The following ZNF536 variants were observed in gnomAD, a reference collection of about 807,000 sequenced individuals.
The protein encoded by ZNF536 is zinc finger protein 536.
ZNF536 carries 13 observed loss-of-function variants against 84.5 expected under a neutral mutation model. That is an observed-to-expected ratio of 0.15 (90% CI 0.10 to 0.24). The LOEUF (loss-of-function observed/expected upper bound fraction) is 0.24, where lower values mean the gene tolerates loss of function less well. Among genes scored for constraint, ZNF536 ranks in the 10% least tolerant of loss-of-function variants. The pLI is 1.00. For synonymous variants in ZNF536, 811 were observed against 742.5 expected, an observed-to-expected ratio of 1.09 and a Z score of -1.50; for missense variants, 1,536 against 1,747.5, an observed-to-expected ratio of 0.88 and a Z score of 2.16.
intron 3 of ZNF536, among the ~76,000 whole-genome samples, chr19:30,359,593 G>A (rs1467014803): frequency 2.0e-5 from 3 of 152,048 alleles, no homozygotes; most frequent in African/African-American, 7.2e-5. Flanking sequence ...CTGTCTCCCC[G>A]GCACCTGAGT....
chr19:30,535,058 G>T, intron 3 of ZNF536, 59 bp downstream of exon 3: 1 of 1,538,780 alleles, frequency 6.5e-7, no homozygotes, highest in Non-Finnish European at 8.8e-7. Context: ...TCCCCGTCCT[G>T]CCTGCTTTCT....
intron 1 of ZNF536, among the ~76,000 whole-genome samples, chr19:30,428,950 G>A (rs1307784639): frequency 6.6e-6 from 1 of 152,206 alleles, no homozygotes; most frequent in African/African-American, 2.4e-5. Context: ...GATAGAGAGA[G>A]GGGCTGAGTT....
chr19:30,601,230 T>C (rs530916202), intron 1 of ZNF536, among the ~76,000 whole-genome samples: 1 of 152,272 alleles, frequency 6.6e-6, no homozygotes, highest in South Asian at 2.1e-4. Context: ...ATGACCATAT[T>C]CTCCATTATC....
intron 2 of ZNF536, among the ~76,000 whole-genome samples, chr19:30,480,248 G>A (rs947982998): frequency 6.6e-6 from 1 of 152,104 alleles, no homozygotes; most frequent in Non-Finnish European, 1.5e-5. Context: ...GCTCCCGTGG[G>A]TCAACAGGTC....
chr19:30,652,730 A>G (rs1338704104), intron 1 of ZNF536, among the ~76,000 whole-genome samples: 1 of 152,134 alleles, frequency 6.6e-6, no homozygotes, highest in Non-Finnish European at 1.5e-5. Flanking sequence ...TAGAAGGCTG[A>G]TCTCCGAAGG....
intron 2 of ZNF536, among the ~76,000 whole-genome samples, chr19:30,476,166 G>A (rs190092994): frequency 6.6e-6 from 1 of 152,228 alleles, no homozygotes; most frequent in East Asian, 1.9e-4. Flanking sequence ...TTAGGGCTGG[G>A]GACTGGGGCT....
At chr19:30,698,252 A>G (rs1013291959) in intron 1 of ZNF536, among the ~76,000 whole-genome samples, 4 of 151,904 alleles carry the variant, frequency 2.6e-5, no homozygotes, top group Non-Finnish European at 4.4e-5. Context: ...AGACTGCGCC[A>G]CTGTACTCCA....
Position 30,557,173 on chromosome 19 carries a change from G to C in ZNF536, c.*9G>C, listed in dbSNP as rs1200704638. 2 of 1,613,470 alleles carry C rather than the reference G, an allele frequency of 1.2e-6. No individual in the cohort carries two copies. The highest frequency in any genetic ancestry group is 1.3e-5 in the African/African-American group (1 of 74,834). Reference sequence around the variant, plus strand: ...TTCTTGCAGGTAAGTGACACTCCCTGTCCTAGTCGGTCTATCTGGACTTGC... The same window carrying C: ...TTCTTGCAGGTAAGTGACACTCCCTCTCCTAGTCGGTCTATCTGGACTTGC... On this transcript the variant is annotated 3_prime_UTR_variant, in exon 5 of 5. Transcript: ENST00000355537.
intron 2 of ZNF536, chr19:30,296,036 A>G (rs1008208145): frequency 1.2e-4 from 18 of 152,446 alleles, no homozygotes; most frequent in Middle Eastern, 3.4e-3. Context: ...CAATGTGTGC[A>G]GCTGCTAGCA....
At chr19:30,670,377 CTG>C (rs1189286476) in intron 1 of ZNF536, among the ~76,000 whole-genome samples, 1 of 152,208 alleles carries the variant, frequency 6.6e-6, no homozygotes, top group East Asian at 1.9e-4. Flanking sequence ...GCTGGGTGTT[CTG>C]CCTGTGAAAT....
intron 1 of ZNF536, among the ~76,000 whole-genome samples, chr19:30,374,049 T>C (rs1600442861): frequency 6.6e-6 from 1 of 152,340 alleles, no homozygotes; most frequent in East Asian, 1.9e-4. Flanking sequence ...ATGGAAGCTT[T>C]ATTATTATTA....
intron 1 of ZNF536, among the ~76,000 whole-genome samples, chr19:30,662,614 A>G (rs1348817166): frequency 6.6e-6 from 1 of 152,046 alleles, no homozygotes; most frequent in Admixed American, 6.6e-5. Context: ...CTACGATAAT[A>G]CCTGGTGGTG....
At chr19:30,638,028 T>C (rs891683961) in intron 1 of ZNF536, among the ~76,000 whole-genome samples, 1 of 151,574 alleles carries the variant, frequency 6.6e-6, no homozygotes, top group Non-Finnish European at 1.5e-5. Flanking sequence ...CACCCAGAAG[T>C]AGTCGATGCA....
chr19:30,360,901 G>A (rs538198379), intron 3 of ZNF536, among the ~76,000 whole-genome samples: 2 of 152,310 alleles, frequency 1.3e-5, no homozygotes, highest in East Asian at 3.9e-4. Flanking sequence ...CTGTTCGCCA[G>A]GGCTTCCTGA....
At chr19:30,567,832 G>C (rs1052380036) in intron 1 of ZNF536, among the ~76,000 whole-genome samples, 4 of 152,190 alleles carry the variant, frequency 2.6e-5, no homozygotes, top group Admixed American at 1.3e-4. Flanking sequence ...ACCTCTGTCA[G>C]GCAGGGGGAA....
intron 1 of ZNF536, among the ~76,000 whole-genome samples, chr19:30,415,811 C>T (rs551947494): frequency 1.4e-4 from 22 of 152,226 alleles, no homozygotes; most frequent in East Asian, 1.9e-4. Flanking sequence ...AGGGTTTCAC[C>T]GTGTTAGCCA....
At chr19:30,539,180 G>A (rs2045220652) in intron 3 of ZNF536, among the ~76,000 whole-genome samples, 1 of 152,104 alleles carries the variant, frequency 6.6e-6, no homozygotes, top group Non-Finnish European at 1.5e-5. Flanking sequence ...AGTGATTATG[G>A]AGGCTGAGAA....
intron 1 of ZNF536, among the ~76,000 whole-genome samples, chr19:30,390,037 A>G (rs541993694): frequency 2.6e-5 from 4 of 152,266 alleles, no homozygotes; most frequent in South Asian, 2.1e-4. Context: ...TAGATATTCA[A>G]TGGGGGACCT....
intron 3 of ZNF536, among the ~76,000 whole-genome samples, chr19:30,363,420 A>G (rs2048335465): frequency 6.6e-6 from 1 of 152,180 alleles, no homozygotes. Context: ...ACTGAGCCTA[A>G]AAGGACGTTG....
Sources: allele counts gnomAD v4.1 joint callset (sites outside exome capture counted in the v4.1 genomes callset), GRCh38; gene constraint gnomAD v4.1.1; transcripts MANE v1.5; gene names NCBI Gene and HGNC (gene_info 2026-07-23, HGNC 2026-07-21).